The following PRKD1 variants were observed in gnomAD, a reference collection of about 807,000 sequenced individuals.
PRKD1 encodes serine/threonine-protein kinase D1.
In PRKD1, 63 loss-of-function variants were observed where a neutral mutation model predicts 95.9. The ratio of observed to expected loss-of-function variants is 0.66; its 90% CI spans 0.54 to 0.81. PRKD1 has a LOEUF of 0.81. Ranked by LOEUF, PRKD1 falls within the 30% of genes least tolerant of loss-of-function variation. The probability of loss-of-function intolerance (pLI) is 0.00; values close to 1 mark genes in which losing one functional copy is unlikely to be tolerated. For missense variants in PRKD1, 1,048 were observed against 1,165.3 expected, an observed-to-expected ratio of 0.90 and a Z score of 1.47; for synonymous variants, 425 against 423.1, an observed-to-expected ratio of 1.00 and a Z score of -0.05.
intron 2 of PRKD1, among the ~76,000 whole-genome samples, chr14:29,669,685 C>T (rs1038166984): frequency 6.6e-5 from 10 of 152,042 alleles, no homozygotes; most frequent in African/African-American, 1.7e-4. Context: ...CTGGCCAACA[C>T]GGTAAAACCC....
chr14:29,682,517 T>A (rs1883594221), intron 2 of PRKD1, among the ~76,000 whole-genome samples: 1 of 152,214 alleles, frequency 6.6e-6, no homozygotes, highest in South Asian at 2.1e-4. Flanking sequence ...CGAATCCCAC[T>A]TCATCAATAT....
At chr14:29,831,464 TTTTGG>T (rs1891409732) in intron 1 of PRKD1, among the ~76,000 whole-genome samples, 1 of 151,630 alleles carries the variant, frequency 6.6e-6, no homozygotes, top group South Asian at 2.1e-4. Context: ...TTTTTTTTTT[TTTTGG>T]TTGGTTGTTT....
Position 29,635,563 on chromosome 14 carries a change from C to T in PRKD1, c.1190+727G>A, listed in dbSNP as rs149749584. Among the ~76,000 whole-genome samples the T allele has an allele frequency of 3.8e-3, 573 of 152,266 alleles. 2 individuals carry two copies. The highest frequency in any genetic ancestry group is 0.034 in the Middle Eastern group (10 of 294). ...AAACATGGCATTCGTAAAATGGACA[C>T]AAAAGTTTCAATAGGCTTTATAATA... On this transcript the variant is annotated intron_variant, in intron 7 of 17. Coordinates refer to ENST00000331968, the MANE Select transcript of PRKD1 (RefSeq NM_002742.3).
At chr14:29,795,479 T>C (rs1183511853) in intron 1 of PRKD1, among the ~76,000 whole-genome samples, 1 of 152,092 alleles carries the variant, frequency 6.6e-6, no homozygotes. Flanking sequence ...ATAAACACTA[T>C]TTAACATTTA....
chr14:29,695,822 T>C (rs1014285408), intron 2 of PRKD1, among the ~76,000 whole-genome samples: 2 of 152,118 alleles, frequency 1.3e-5, no homozygotes, highest in East Asian at 1.9e-4. Flanking sequence ...GAAAGTGCTA[T>C]TGCAGATTTT....
intron 1 of PRKD1, among the ~76,000 whole-genome samples, chr14:29,779,267 A>G (rs1888923361): frequency 6.6e-6 from 1 of 152,178 alleles, no homozygotes; most frequent in Non-Finnish European, 1.5e-5. Context: ...TATTCAACAT[A>G]GTGTTGGAAG....
chr14:29,724,384 A>G (rs1256078341), intron 2 of PRKD1, among the ~76,000 whole-genome samples: 3 of 152,186 alleles, frequency 2.0e-5, no homozygotes, highest in Non-Finnish European at 2.9e-5. Flanking sequence ...TAATTAATTT[A>G]GTGTTCAGAA....
At chr14:29,849,161 T>G (rs1892199475) in intron 1 of PRKD1, among the ~76,000 whole-genome samples, 1 of 152,202 alleles carries the variant, frequency 6.6e-6, no homozygotes, top group African/African-American at 2.4e-5. Flanking sequence ...TCCCCTTTGG[T>G]GCTGTTCTCA....
Position 29,714,652 on chromosome 14 carries a change from T to G in PRKD1, c.403+10884A>C, listed in dbSNP as rs189064772. On this transcript the variant is annotated intron_variant, in intron 2 of 17. Coordinates refer to ENST00000331968, the MANE Select transcript of PRKD1 (RefSeq NM_002742.3). ...TAAATCATTCTACTATAAAGACACATGCACACATATGTTTATTGTGGCACT... is the reference window on the plus strand; with the variant it reads ...TAAATCATTCTACTATAAAGACACAGGCACACATATGTTTATTGTGGCACT... Among the ~76,000 whole-genome samples, 92 of 152,290 alleles carry G rather than the reference T, an allele frequency of 6.0e-4. No homozygotes were observed. The East Asian group carries it at 0.016, about 27-fold the overall frequency.
chr14:29,663,089 CTATATAATA>C (rs1002705098), intron 4 of PRKD1, among the ~76,000 whole-genome samples: 3 of 136,374 alleles, frequency 2.2e-5, no homozygotes, highest in African/African-American at 8.3e-5. Flanking sequence ...AAAATATATA[CTATATAATA>C]TATATAATAT....
intron 2 of PRKD1, among the ~76,000 whole-genome samples, chr14:29,701,950 C>T (rs1314059506): frequency 6.6e-6 from 1 of 152,162 alleles, no homozygotes; most frequent in Non-Finnish European, 1.5e-5. Flanking sequence ...TATTCTTTCA[C>T]ATTTCCCCTT....
intron 1 of PRKD1, among the ~76,000 whole-genome samples, chr14:29,892,365 T>C (rs1425761104): frequency 6.6e-6 from 1 of 151,936 alleles, no homozygotes; most frequent in East Asian, 1.9e-4. Context: ...GTTGAGGAAG[T>C]TTCTCTTTGT....
intron 1 of PRKD1, among the ~76,000 whole-genome samples, chr14:29,875,046 A>T (rs1893237839): frequency 6.6e-6 from 1 of 152,196 alleles, no homozygotes; most frequent in Non-Finnish European, 1.5e-5. Flanking sequence ...AATATGTAAA[A>T]TATGTATCAA....
intron 2 of PRKD1, among the ~76,000 whole-genome samples, chr14:29,725,328 G>A (rs902346138): frequency 2.0e-5 from 3 of 152,180 alleles, no homozygotes; most frequent in African/African-American, 7.2e-5. Flanking sequence ...TAAGTCAAGA[G>A]ACGTGATTGG....
At chr14:29,809,292 G>A (rs566206591) in intron 1 of PRKD1, among the ~76,000 whole-genome samples, 1 of 152,330 alleles carries the variant, frequency 6.6e-6, no homozygotes, top group East Asian at 1.9e-4. Context: ...TTTTCAGAAT[G>A]GTCAATGAGC....
intron 1 of PRKD1, among the ~76,000 whole-genome samples, chr14:29,759,843 C>A (rs1002264312): frequency 4.6e-5 from 7 of 152,144 alleles, no homozygotes; most frequent in Non-Finnish European, 8.8e-5. Context: ...ATGGAACATT[C>A]TGTATGTATA....
chr14:29,850,080 C>T (rs557264917), intron 1 of PRKD1, among the ~76,000 whole-genome samples: 1 of 152,030 alleles, frequency 6.6e-6, no homozygotes, highest in African/African-American at 2.4e-5. Context: ...GATGACAAAC[C>T]CACAGCCAAT....
At chr14:29,784,509 T>A (rs1458461661) in intron 1 of PRKD1, among the ~76,000 whole-genome samples, 1 of 152,206 alleles carries the variant, frequency 6.6e-6, no homozygotes. Context: ...TAATATTAAT[T>A]ATTTTAATCC....
At chr14:29,744,200 T>C (rs1328753237) in intron 1 of PRKD1, among the ~76,000 whole-genome samples, 1 of 152,176 alleles carries the variant, frequency 6.6e-6, no homozygotes, top group Non-Finnish European at 1.5e-5. Flanking sequence ...AGGTATCACA[T>C]ATTAACATGT....
Sources: gnomAD v4.1 joint callset for allele counts (sites outside exome capture counted in the v4.1 genomes callset) on GRCh38, gnomAD v4.1.1 for gene constraint, MANE v1.5 for transcripts, NCBI Gene and HGNC (gene_info 2026-07-23, HGNC 2026-07-21) for gene names.